OXR1: variants seen among roughly 807,000 people sequenced by gnomAD.
The protein encoded by OXR1 is oxidation resistance protein 1.
Under a neutral mutation model 104.6 loss-of-function variants are expected in OXR1, and 41 were observed. The observed-to-expected ratio is 0.39, with a 90% CI of 0.31 to 0.51. OXR1 has a LOEUF of 0.51. Ranked by LOEUF, OXR1 falls within the 20% of genes least tolerant of loss-of-function variation. The pLI, the probability that OXR1 is intolerant of heterozygous loss-of-function variation, is 0.77. For missense variants in OXR1, 955 were observed against 1,031.9 expected (o/e 0.93, Z 1.02); for synonymous variants, 348 against 348.4 (o/e 1.00, Z 0.01).
At chr8:106,350,586 A>G (rs1252055134) in intron 1 of OXR1, among the ~76,000 whole-genome samples, 1 of 152,202 alleles carries the variant, frequency 6.6e-6, no homozygotes, top group Non-Finnish European at 1.5e-5. Flanking sequence ...GTGAGAGGAC[A>G]CATAAAACTG....
intron 3 of OXR1, among the ~76,000 whole-genome samples, chr8:106,589,765 C>G (rs1031613630): frequency 6.6e-6 from 1 of 152,132 alleles, no homozygotes; most frequent in Non-Finnish European, 1.5e-5. Context: ...CTCCCAGGTT[C>G]AAACGATTCT....
At chr8:106,276,594 C>T (rs1366013186) in intron 1 of OXR1, among the ~76,000 whole-genome samples, 1 of 152,078 alleles carries the variant, frequency 6.6e-6, no homozygotes, top group Non-Finnish European at 1.5e-5. Context: ...ATCATTTCAG[C>T]TTAGTTTACA....
intron 3 of OXR1, among the ~76,000 whole-genome samples, chr8:106,521,733 C>G (rs1161947740): frequency 6.6e-6 from 1 of 152,104 alleles, no homozygotes; most frequent in South Asian, 2.1e-4. Flanking sequence ...AGGATGGTCT[C>G]GATCTCCTGA....
intron 1 of OXR1, among the ~76,000 whole-genome samples, chr8:106,317,387 C>G (rs1814012202): frequency 6.6e-6 from 1 of 151,906 alleles, no homozygotes; most frequent in South Asian, 2.1e-4. Context: ...AAACAGTAGC[C>G]CCCATTTTCA....
intron 3 of OXR1, among the ~76,000 whole-genome samples, chr8:106,660,751 G>A (rs1159654933): frequency 3.3e-5 from 5 of 152,128 alleles, no homozygotes; most frequent in Admixed American, 6.5e-5. Flanking sequence ...GGTGGCTCAC[G>A]TCGGTAATCC....
At chr8:106,276,999 G>C (rs1262659284) in intron 1 of OXR1, among the ~76,000 whole-genome samples, 2 of 152,086 alleles carry the variant, frequency 1.3e-5, no homozygotes, top group African/African-American at 4.8e-5. Context: ...CTGTTATTAA[G>C]TTTATAGATG....
chr8:106,303,295 C>T (rs1813334506), intron 1 of OXR1, among the ~76,000 whole-genome samples: 2 of 143,078 alleles, frequency 1.4e-5, no homozygotes, highest in Non-Finnish European at 3.0e-5. Context: ...ACTCTGTCAC[C>T]CAGGCTGGAG....
rs951755060 is a variant in OXR1 at position 106,270,235 on chromosome 8, G to A, written c.-271G>A. On this transcript the variant is annotated 5_prime_UTR_variant, in exon 1 of 17. Coordinates refer to ENST00000517566, the MANE Select transcript of OXR1 (RefSeq NM_001198533.2). ...GCGGGGCTAGAGCTGGGCTGCGTCA[G>A]GCTGAGCCCATTCACCTCGCGGCCA... 2.6e-5 allele frequency: 4 copies of A among 152,166 alleles called. No homozygotes were observed. The East Asian group carries it at 5.8e-4, about 22-fold the overall frequency. 9.4% of individuals were successfully genotyped at this position (152,166 alleles called of 1,614,324 possible). A position where few individuals can be genotyped will look rare whatever the true frequency, so the allele number is the denominator to read the frequency against.
intron 3 of OXR1, among the ~76,000 whole-genome samples, chr8:106,556,287 TTA>T (rs1816276759): frequency 6.6e-6 from 1 of 152,134 alleles, no homozygotes; most frequent in African/African-American, 2.4e-5. Context: ...TACAATAATT[TTA>T]TGTTATGCAC....
intron 2 of OXR1, among the ~76,000 whole-genome samples, chr8:106,506,789 G>T (rs183028775): frequency 1.0e-3 from 156 of 152,100 alleles, no homozygotes; most frequent in African/African-American, 3.1e-3. Context: ...TTTAGAGGTC[G>T]AATAGAAAAT....
intron 2 of OXR1, among the ~76,000 whole-genome samples, chr8:106,453,500 C>G (rs1820435762): frequency 6.6e-6 from 1 of 152,112 alleles, no homozygotes; most frequent in African/African-American, 2.4e-5. Flanking sequence ...TTTTCTTTCT[C>G]TGCCTGTGAC....
intron 2 of OXR1, among the ~76,000 whole-genome samples, chr8:106,467,993 G>T (rs1821268401): frequency 1.3e-5 from 2 of 151,840 alleles, no homozygotes; most frequent in African/African-American, 4.8e-5. Flanking sequence ...GCTAGAAAGA[G>T]AGTGACAGAG....
intron 16 of OXR1, among the ~76,000 whole-genome samples, chr8:106,747,644 C>A (rs567716309): frequency 6.9e-4 from 105 of 152,314 alleles, no homozygotes; most frequent in African/African-American, 2.1e-3. Flanking sequence ...CTCTTAAATA[C>A]ATTTACTTAA....
chr8:106,584,546 T>C (rs1236468228), intron 3 of OXR1, among the ~76,000 whole-genome samples: 1 of 152,104 alleles, frequency 6.6e-6, no homozygotes, highest in Non-Finnish European at 1.5e-5. Context: ...CAGAATGACA[T>C]AGGACTTCTC....
At chr8:106,479,520 T>C (rs1450965961) in intron 2 of OXR1, among the ~76,000 whole-genome samples, 1 of 151,976 alleles carries the variant, frequency 6.6e-6, no homozygotes, top group Non-Finnish European at 1.5e-5. Context: ...GAGAGCACTA[T>C]TGCATCATTG....
At chr8:106,504,031 C>T (rs911743377) in intron 2 of OXR1, among the ~76,000 whole-genome samples, 2 of 152,110 alleles carry the variant, frequency 1.3e-5, no homozygotes, top group Non-Finnish European at 2.9e-5. Context: ...AAACACCTAA[C>T]AAAATACAAA....
At chr8:106,660,281 G>A (rs1210188808) in intron 3 of OXR1, among the ~76,000 whole-genome samples, 1 of 152,206 alleles carries the variant, frequency 6.6e-6, no homozygotes, top group Admixed American at 6.5e-5. Flanking sequence ...GTGCTTTGCA[G>A]CTGCTTCTCA....
chr8:106,498,581 GT>G (rs2129926912), intron 2 of OXR1, among the ~76,000 whole-genome samples: 1 of 152,190 alleles, frequency 6.6e-6, no homozygotes, highest in African/African-American at 2.4e-5. Context: ...CAAGACTGTT[GT>G]TTTAAATCAT....
intron 2 of OXR1, among the ~76,000 whole-genome samples, chr8:106,456,773 A>G (rs1563534489): frequency 6.6e-6 from 1 of 152,206 alleles, no homozygotes; most frequent in Non-Finnish European, 1.5e-5. Flanking sequence ...ATGAAATGAA[A>G]CATTAAGTCC....
Sources: gnomAD v4.1 joint callset for allele counts (sites outside exome capture counted in the v4.1 genomes callset) on GRCh38, gnomAD v4.1.1 for gene constraint, MANE v1.5 for transcripts, NCBI Gene and HGNC (gene_info 2026-07-23, HGNC 2026-07-21) for gene names.